ASPSCR1: variants seen among roughly 807,000 people sequenced by gnomAD.
ASPSCR1 encodes tether containing UBX domain for GLUT4.
A neutral mutation model predicts 68.9 loss-of-function variants in ASPSCR1; 55 were observed. The ratio of observed to expected loss-of-function variants is 0.80; its 90% CI spans 0.64 to 1.00. ASPSCR1 has a LOEUF of 1.00. Ranked by LOEUF, ASPSCR1 falls within the 50% of genes least tolerant of loss-of-function variation. ASPSCR1 has a pLI of 0.00. For missense variants in ASPSCR1, 765 were observed against 762.2 expected (o/e 1.00, Z -0.04); for synonymous variants, 352 against 332.6 (o/e 1.06, Z -0.63).
chr17:81,982,017 G>A (rs910228237), intron 2 of ASPSCR1, among the ~76,000 whole-genome samples: 1 of 151,988 alleles, frequency 6.6e-6, no homozygotes, highest in Non-Finnish European at 1.5e-5. Flanking sequence ...CGCCCAGGCT[G>A]GAGTGCAATG....
rs551956911 is a variant in ASPSCR1 at position 81,986,355 on chromosome 17, C to A, written c.374+748C>A. Reference sequence around the variant, plus strand: ...GCTGAGGTGGGAGGATCACTTGAGCCGTGGAGGCAGTTGCAGTGAGCCGAG... The same window carrying A: ...GCTGAGGTGGGAGGATCACTTGAGCAGTGGAGGCAGTTGCAGTGAGCCGAG... On this transcript the variant is annotated intron_variant, in intron 4 of 15. Coordinates refer to ENST00000306739, the MANE Select transcript of ASPSCR1 (RefSeq NM_024083.4). This position sits in a 1 kb window ranked among gnomAD's most constrained non-coding sequence, Gnocchi z 5.2. Among the ~76,000 whole-genome samples the A allele has an allele frequency of 9.9e-5, 15 of 152,014 alleles. No individual in the cohort carries two copies. The highest frequency in any genetic ancestry group is 1.5e-4 in the Non-Finnish European group (10 of 68,022).
In ASPSCR1 at chr17:81,995,880, G is replaced by A. The variant is rs78103928; in HGVS notation, c.433-112G>A. 3.0e-4 allele frequency: 304 copies of A among 1,004,554 alleles called. 2 individuals carry two copies. The African/African-American group carries it at 4.6e-3, about 15-fold the overall frequency. The allele number at this position is 1,004,554 out of a possible 1,614,324, so 62.2% of individuals were successfully genotyped here. The stretch of plus-strand genomic sequence containing the variant: ...AGATGTGGGGGGTGGGTAGGATGGA[G>A]GCCAGAGAGGGCACGTGGCCTGTGG... On this transcript the variant is annotated intron_variant, in intron 5 of 15. Coordinates refer to ENST00000306739, the MANE Select transcript of ASPSCR1 (RefSeq NM_024083.4).
At position 81,994,826 on chromosome 17, in the gene ASPSCR1, G is replaced by T. The variant is rs1218224852; in HGVS notation, c.380G>T (p.Cys127Phe). Reference sequence around the variant, plus strand: ...TTTCTTTCCTCTCCTCCCAGGGAGTGCCTGCAGCACCCCGGCGGGGCCACC... The same window carrying T: ...TTTCTTTCCTCTCCTCCCAGGGAGTTCCTGCAGCACCCCGGCGGGGCCACC... ...LLSHFPQIRE[C>F]LQHPGGATPV... Residue 127 changes from cysteine to phenylalanine, a missense_variant, in exon 5 of 16, where the codon TGC (cysteine) becomes TTC (phenylalanine). By Grantham distance (205) the Cys-to-Phe change is radical (BLOSUM62 -2). Coordinates refer to ENST00000306739, the MANE Select transcript of ASPSCR1 (RefSeq NM_024083.4). 1.2e-6 allele frequency: 2 copies of T among 1,613,260 alleles called. No homozygotes were observed. The highest frequency in any genetic ancestry group is 2.7e-5 in the African/African-American group (2 of 74,942).
chr17:82,001,081 T>C (rs1351573666), intron 7 of ASPSCR1, among the ~76,000 whole-genome samples: 1 of 151,960 alleles, frequency 6.6e-6, no homozygotes, highest in African/African-American at 2.4e-5. Flanking sequence ...CCCGGCCCTC[T>C]GTGGCTGACA....
At chr17:81,994,985 C>A in intron 5 of ASPSCR1, 107 bp downstream of exon 5, 1 of 1,242,872 alleles carries the variant, frequency 8.0e-7, no homozygotes, top group Non-Finnish European at 1.1e-6. Context: ...GCGGGAGACT[C>A]GGGCTCTTGA....
At chr17:81,988,454 CAAAA>C (rs1231233227) in intron 4 of ASPSCR1, among the ~76,000 whole-genome samples, 3 of 71,012 alleles carry the variant, frequency 4.2e-5, no homozygotes, top group Admixed American at 1.6e-4. Context: ...GACTCCGTCT[CAAAA>C]AAAAAAAAAA....
chr17:81,996,160 T>C, intron 6 of ASPSCR1, 95 bp downstream of exon 6: 1 of 1,392,512 alleles, frequency 7.2e-7, no homozygotes, highest in Non-Finnish European at 9.6e-7. Context: ...AAGTGGGGAG[T>C]AGGTGTACCC....
At chr17:82,012,620 G>A (rs1450752655) in intron 12 of ASPSCR1, among the ~76,000 whole-genome samples, 2 of 152,170 alleles carry the variant, frequency 1.3e-5, no homozygotes, top group Admixed American at 6.5e-5. Context: ...GGGTGAGGAA[G>A]GGCCCGGCAG....
intron 2 of ASPSCR1, among the ~76,000 whole-genome samples, chr17:81,980,542 T>G (rs1306394130): frequency 1.3e-5 from 2 of 152,250 alleles, no homozygotes; most frequent in Admixed American, 6.5e-5. Flanking sequence ...TCTTGTCAAC[T>G]GAAGAATGCG....
chr17:81,984,626 C>CT (rs147316194), intron 3 of ASPSCR1, among the ~76,000 whole-genome samples: 3,625 of 151,948 alleles, frequency 0.024, 44 homozygotes, highest in East Asian at 0.036. Flanking sequence ...CATGTGGCTT[C>CT]TGAGGGTCAG....
At chr17:82,000,462 C>T (rs760235090) in intron 7 of ASPSCR1, among the ~76,000 whole-genome samples, 6 of 152,096 alleles carry the variant, frequency 3.9e-5, no homozygotes, top group Non-Finnish European at 5.9e-5. Flanking sequence ...CGCCGCCAGC[C>T]GCACACGCAG....
intron 11 of ASPSCR1, 96 bp downstream of exon 11, chr17:82,011,701 T>G: frequency 2.2e-6 from 3 of 1,366,752 alleles, no homozygotes; most frequent in Non-Finnish European, 3.0e-6. Context: ...CGTGGCAGCT[T>G]CTCCACAGGA....
intron 5 of ASPSCR1, chr17:81,995,638 C>CAG (rs1177283764): frequency 2.1e-6 from 1 of 465,716 alleles, no homozygotes; most frequent in East Asian, 4.3e-5. Flanking sequence ...CCGTGGGTGA[C>CAG]AGCACGTTCC....
Position 81,999,676 on chromosome 17 carries a change from C to T in ASPSCR1, c.933+2830C>T, listed in dbSNP as rs889004844. On this transcript the variant is annotated intron_variant, in intron 7 of 15. Coordinates refer to ENST00000306739, the MANE Select transcript of ASPSCR1 (RefSeq NM_024083.4). This position sits in a 1 kb window ranked among gnomAD's most constrained non-coding sequence, Gnocchi z 4.4. ...AAGAAGTGGCCAGGAGGGCTCTGTGCACATGGCCCCGGCCTCGGCTGTCCC... is the reference window on the plus strand; with the variant it reads ...AAGAAGTGGCCAGGAGGGCTCTGTGTACATGGCCCCGGCCTCGGCTGTCCC... Among the ~76,000 whole-genome samples, 27 of 151,892 alleles carry T rather than the reference C, an allele frequency of 1.8e-4. No homozygotes were observed. The highest frequency in any genetic ancestry group is 1.7e-3 in the Admixed American group (26 of 15,278).
chr17:81,985,466 T>C, intron 3 of ASPSCR1, 41 bp from the exon 4 acceptor site: 2 of 1,588,994 alleles, frequency 1.3e-6, no homozygotes, highest in South Asian at 1.1e-5. Flanking sequence ...GAATAGTTGC[T>C]TTTCTTCCTA....
intron 4 of ASPSCR1, among the ~76,000 whole-genome samples, chr17:81,992,500 CTG>C (rs1468637896): frequency 6.6e-6 from 1 of 152,214 alleles, no homozygotes; most frequent in South Asian, 2.1e-4. Flanking sequence ...CGGGGAAGGA[CTG>C]TGAGTTGGGA....
In ASPSCR1 at chr17:81,986,834, G is replaced by T. The variant is rs1176161275; in HGVS notation, c.374+1227G>T. ...GTCTGACAGTAGTGCCGCGCTGCAT[G>T]GCACGGGTGTTGCGTTCGTGGGTGA... On this transcript the variant is annotated intron_variant, in intron 4 of 15. Coordinates refer to ENST00000306739, the MANE Select transcript of ASPSCR1 (RefSeq NM_024083.4). The surrounding 1 kb of genome is among the most constrained non-coding windows in gnomAD (Gnocchi z 5.2). Among the ~76,000 whole-genome samples the T allele has an allele frequency of 6.6e-6, 1 of 151,970 alleles. No homozygotes were observed. The highest frequency in any genetic ancestry group is 1.5e-5 in the Non-Finnish European group (1 of 68,018).
At chr17:81,988,387 G>A (rs1361973812) in intron 4 of ASPSCR1, among the ~76,000 whole-genome samples, 1 of 151,774 alleles carries the variant, frequency 6.6e-6, no homozygotes, top group Non-Finnish European at 1.5e-5. Flanking sequence ...CCCGGGAGGC[G>A]GAGGTTGTAG....
At chr17:81,985,441 T>A in intron 3 of ASPSCR1, 66 bp from the exon 4 acceptor site, 2 of 1,526,102 alleles carry the variant, frequency 1.3e-6, no homozygotes, top group Non-Finnish European at 1.8e-6. Flanking sequence ...GGAGAATCAG[T>A]CTGGGATTTA....
Sources: gnomAD v4.1 joint callset for allele counts (sites outside exome capture counted in the v4.1 genomes callset) on GRCh38, gnomAD v4.1.1 for gene constraint, Gnocchi (gnomAD v3.1) non-coding constraint, MANE v1.5 for transcripts, NCBI Gene and HGNC (gene_info 2026-07-23, HGNC 2026-07-21) for gene names.